Variants in DNAJB11 observed in about 807,000 individuals in gnomAD.
DNAJB11 encodes the protein dnaJ homolog subfamily B member 11.
In DNAJB11, 30 loss-of-function variants were observed where a neutral mutation model predicts 47.2. That is an observed-to-expected ratio of 0.64 (90% confidence interval 0.48 to 0.86). The LOEUF is 0.86. Among genes scored for constraint, DNAJB11 ranks in the 40% least tolerant of loss-of-function variants. The pLI, the probability that DNAJB11 is intolerant of heterozygous loss-of-function variation, is 0.00. For synonymous variants in DNAJB11, 151 were observed against 159.9 expected, an observed-to-expected ratio of 0.94 and a Z score of 0.42; for missense variants, 357 against 440.2, an observed-to-expected ratio of 0.81 and a Z score of 1.69.
At chr3:186,582,622 A>G (rs1715523766) in intron 6 of DNAJB11, 94 bp from the exon 7 acceptor site, 3 of 1,030,620 alleles carry the variant, frequency 2.9e-6, no homozygotes, top group Non-Finnish European at 4.4e-6. Flanking sequence ...GTCAATGCCC[A>G]AAGTAGTGGA....
Position 186,570,746 on chromosome 3 carries a change from A to G in DNAJB11, c.-152A>G, listed in dbSNP as rs1294162622. 1 of 682,832 alleles carries G rather than the reference A, an allele frequency of 1.5e-6. No individual in the cohort carries two copies. Among genetic ancestry groups the G allele is most frequent in the Non-Finnish European group, 2.5e-6 (1 of 398,476 alleles). The allele number at this position is 682,832 out of a possible 1,614,324, so 42.3% of individuals were successfully genotyped here. ...CTCCCGGGAAGTGGACCGGCAGAAGAGGGGGCTAGCTAGCTGTCTCTGCGG... is the reference window on the plus strand; with the variant it reads ...CTCCCGGGAAGTGGACCGGCAGAAGGGGGGGCTAGCTAGCTGTCTCTGCGG... On this transcript the variant is annotated 5_prime_UTR_variant, in exon 1 of 10. Transcript: ENST00000265028.
chr3:186,584,071 T>A (rs1455518352), intron 8 of DNAJB11, 95 bp downstream of exon 8: 1 of 882,194 alleles, frequency 1.1e-6, no homozygotes, highest in Non-Finnish European at 1.9e-6. Context: ...GAGAACCAGA[T>A]GGACTCCTTT....
At chr3:186,581,286 C>T in intron 4 of DNAJB11, 85 bp from the exon 5 acceptor site, 1 of 1,474,392 alleles carries the variant, frequency 6.8e-7, no homozygotes, top group Non-Finnish European at 9.3e-7. Flanking sequence ...TCAGTCCAGG[C>T]ATATGTGCAG....
At position 186,570,824 on chromosome 3, in the gene DNAJB11, T is replaced by A; in HGVS notation, c.-74T>A. ...TGTGAGGCGGCCTCACAGGGCCGGG[T>A]GGGCTGGCGAGCCGACGCGGCGGCG... On this transcript the variant is annotated 5_prime_UTR_variant, in exon 1 of 10. Transcript: ENST00000265028. 6.9e-7 allele frequency: 1 copy of A among 1,449,876 alleles called. No individual in the cohort carries two copies. Among genetic ancestry groups the A allele is most frequent in the East Asian group, 2.6e-5 (1 of 39,206 alleles). The allele number at this position is 1,449,876 out of a possible 1,614,324, so 89.8% of individuals were successfully genotyped here. A position where few individuals can be genotyped will look rare whatever the true frequency, so the allele number is the denominator to read the frequency against.
intron 4 of DNAJB11, chr3:186,580,504 C>G (rs1560236751): frequency 6.6e-6 from 1 of 152,166 alleles, no homozygotes; most frequent in East Asian, 1.9e-4. Flanking sequence ...GGGATAATAA[C>G]AGTACCTGTC....
At chr3:186,577,083 T>G (rs545006555) in intron 3 of DNAJB11, among the ~76,000 whole-genome samples, 11 of 152,364 alleles carry the variant, frequency 7.2e-5, no homozygotes, top group African/African-American at 2.6e-4. Context: ...AGGCTAGAAC[T>G]TCCTTCTCCT....
Position 186,570,922 on chromosome 3 carries a change from T to G in DNAJB11, c.25T>G (p.Phe9Val), listed in dbSNP as rs780046263. ...CATGGCTCCGCAGAACCTGAGCACC[T>G]TTTGCCTGTTGCTGCTATACCTCAT... MAPQNLST[F>V]CLLLLYLIGA... is the part of the protein sequence containing the mutation. The change falls in exon 1 of 10, where the codon TTT (phenylalanine) becomes GTT (valine). Residue 9 changes from phenylalanine (F) to valine (V), a missense_variant. By Grantham distance (50) the Phe-to-Val change is conservative. Coordinates refer to ENST00000265028, the MANE Select transcript of DNAJB11 (RefSeq NM_016306.6). 8 of 1,603,002 alleles carry G rather than the reference T, an allele frequency of 5.0e-6. No homozygotes were observed. Among genetic ancestry groups the G allele is most frequent in the Non-Finnish European group, 6.8e-6 (8 of 1,174,970 alleles).
intron 2 of DNAJB11, among the ~76,000 whole-genome samples, chr3:186,573,386 C>CT (rs1464229265): frequency 6.6e-6 from 1 of 151,784 alleles, no homozygotes; most frequent in African/African-American, 2.4e-5. Context: ...GGCAGAAATT[C>CT]TTTTTTATTT....
At position 186,583,939 on chromosome 3, in the gene DNAJB11, G is replaced by C; in HGVS notation, c.815G>C (p.Gly272Ala). ...ATCTCATTAGTTGAGTCACTGGTTG[G>C]CTTTGAGATGGATATTACTCACTTG... ...VTISLVESLV[G>A]FEMDITHLDG... The change falls in exon 8 of 10, where the codon GGC becomes GCC. Residue 272 changes from glycine to alanine, a missense_variant. By Grantham distance (60) the Gly-to-Ala change is moderately conservative (BLOSUM62 0). Transcript: ENST00000265028. 6.2e-7 allele frequency: 1 copy of C among 1,613,712 alleles called. No individual in the cohort carries two copies.
At chr3:186,572,274 G>C (rs369370149) in intron 2 of DNAJB11, 23 bp downstream of exon 2, 2 of 1,591,070 alleles carry the variant, frequency 1.3e-6, no homozygotes, top group African/African-American at 2.7e-5. Context: ...AAGTGATAAA[G>C]TACGAATAAA....
Position 186,585,519 on chromosome 3 carries a change from T to A in DNAJB11, c.*111T>A. ...TTATTTTCAATATGCAAGTTAGGCT[T>A]AATTTTTTTATCTAATGATCATCAT... On this transcript the variant is annotated 3_prime_UTR_variant, in exon 10 of 10. Coordinates refer to ENST00000265028, the MANE Select transcript of DNAJB11 (RefSeq NM_016306.6). 2 of 663,882 alleles carry A rather than the reference T, an allele frequency of 3.0e-6. No homozygotes were observed. The highest frequency in any genetic ancestry group is 2.5e-6 in the Non-Finnish European group (1 of 399,918). 41.1% of individuals were successfully genotyped at this position (663,882 alleles called of 1,614,324 possible). A position where few individuals can be genotyped will look rare whatever the true frequency, so the allele number is the denominator to read the frequency against.
chr3:186,580,863 G>A (rs1379165224), intron 4 of DNAJB11: 1 of 152,410 alleles, frequency 6.6e-6, no homozygotes, highest in Non-Finnish European at 1.5e-5. Flanking sequence ...ACATGTTAAA[G>A]TATCTGAATG....
At position 186,585,367 on chromosome 3, in the gene DNAJB11, G is replaced by A; in HGVS notation, c.1036G>A (p.Gly346Arg). The change falls in exon 10 of 10, where the codon GGG becomes AGG. Residue 346 changes from glycine to arginine, a missense_variant. Transcript: ENST00000265028. Reference protein sequence around the residue: ...REGIKQLLKQGSVQKVYNGLQ... With the variant: ...REGIKQLLKQRSVQKVYNGLQ... ...AGGTATCAAACAGCTACTGAAACAA[G>A]GGTCAGTGCAGAAGGTATACAATGG... is the stretch of plus-strand genomic sequence containing the variant. 6.2e-6 allele frequency: 10 copies of A among 1,612,096 alleles called. No homozygotes were observed. The highest frequency in any genetic ancestry group is 8.5e-6 in the Non-Finnish European group (10 of 1,179,172).
chr3:186,570,794 C>G lies in DNAJB11; in HGVS notation c.-104C>G. ...CGGACCAAGGAGACCCCCGCGCCCC[C>G]CCGGTGTGAGGCGGCCTCACAGGGC... On this transcript the variant is annotated 5_prime_UTR_variant, in exon 1 of 10. Transcript: ENST00000265028. The G allele has an allele frequency of 9.3e-7, 1 of 1,078,888 alleles. No homozygotes were observed. The highest frequency in any genetic ancestry group is 1.4e-6 in the Non-Finnish European group (1 of 732,092). 66.8% of individuals were successfully genotyped at this position (1,078,888 alleles called of 1,614,324 possible). A position where few individuals can be genotyped will look rare whatever the true frequency, so the allele number is the denominator to read the frequency against.
chr3:186,576,801 C>T (rs1715314445), intron 3 of DNAJB11, among the ~76,000 whole-genome samples: 1 of 152,064 alleles, frequency 6.6e-6, no homozygotes, highest in South Asian at 2.1e-4. Context: ...TGAAGTGATC[C>T]CTAGGGAATA....
In DNAJB11 at chr3:186,584,599, A is replaced by AGTGTGTGTG. The variant is rs150198235; in HGVS notation, c.1012+10_1012+11insGTGTGTGTG. On this transcript the variant is annotated intron_variant, in intron 9 of 9. Coordinates refer to ENST00000265028, the MANE Select transcript of DNAJB11 (RefSeq NM_016306.6). Reference sequence around the variant, plus strand: ...GAGGAAGCGAGAGAAGGTATGGCATATTAGTGTGTGTGTGTGTGTGTGTTT... The same window carrying AGTGTGTGTG: ...GAGGAAGCGAGAGAAGGTATGGCATAGTGTGTGTGTTAGTGTGTGTGTGTGTGTGTGTTT... The AGTGTGTGTG allele has an allele frequency of 2.2e-6, 1 of 446,174 alleles. No individual in the cohort carries two copies. Among genetic ancestry groups the AGTGTGTGTG allele is most frequent in the Non-Finnish European group, 3.2e-6 (1 of 315,300 alleles). The allele number at this position is 446,174 out of a possible 1,614,324, so 27.6% of individuals were successfully genotyped here.
intron 2 of DNAJB11, among the ~76,000 whole-genome samples, chr3:186,572,622 A>C (rs1300794787): frequency 6.6e-6 from 1 of 152,246 alleles, no homozygotes; most frequent in African/African-American, 2.4e-5. Context: ...TCAGTTTGGG[A>C]GCTAGAACCA....
At chr3:186,573,014 C>T (rs563695278) in intron 2 of DNAJB11, among the ~76,000 whole-genome samples, 1 of 152,196 alleles carries the variant, frequency 6.6e-6, no homozygotes, top group South Asian at 2.1e-4. Context: ...ATTTTGCAAC[C>T]TCTAATCTGG....
intron 3 of DNAJB11, among the ~76,000 whole-genome samples, chr3:186,577,416 A>G (rs1379082613): frequency 6.6e-6 from 1 of 152,166 alleles, no homozygotes. Context: ...ACTGTACTAT[A>G]TGTATGGGCT....
Sources: allele counts gnomAD v4.1 joint callset (sites outside exome capture counted in the v4.1 genomes callset), GRCh38; gene constraint gnomAD v4.1.1; transcripts MANE v1.5; gene names NCBI Gene and HGNC (gene_info 2026-07-23, HGNC 2026-07-21).